SLCO4A1: variants seen among roughly 807,000 people sequenced by gnomAD.
SLCO4A1 encodes colon organic anion transporter.
A neutral mutation model predicts 64.6 loss-of-function variants in SLCO4A1; 51 were observed. That is an observed-to-expected ratio of 0.79 (90% CI 0.63 to 1.00). The LOEUF (loss-of-function observed/expected upper bound fraction) is 1.00, where lower values mean the gene tolerates loss of function less well. SLCO4A1 is among the 50% of genes least tolerant of loss of function. The probability of loss-of-function intolerance (pLI) is 0.00; values close to 1 mark genes in which losing one functional copy is unlikely to be tolerated. For missense variants in SLCO4A1, 919 were observed against 980.5 expected (o/e 0.94, Z 0.84); for synonymous variants, 471 against 444.9 (o/e 1.06, Z -0.74).
Position 62,681,469 on chromosome 20 carries a change from C to T in SLCO4A1, n.212-3972C>T, listed in dbSNP as rs902335840. ...GTGTATTAAGCCGTGTGTACACACT[C>T]GTGTGTGTGTTAAGCTGTGTGTACA... On this transcript the variant is annotated intron_variant and non_coding_transcript_variant, in intron 2 of 2. Coordinates refer to the SLCO4A1 transcript ENST00000466818. 5.1e-4 allele frequency among the ~76,000 whole-genome samples: 74 copies of T among 146,098 alleles called. 1 individual carries two copies. The highest frequency in any genetic ancestry group is 4.5e-3 in the Admixed American group (66 of 14,792).
In SLCO4A1 at chr20:62,645,500, C is replaced by T. The variant is rs1981151019; in HGVS notation, c.-97+2947C>T. 6.8e-6 allele frequency among the ~76,000 whole-genome samples: 1 copy of T among 146,876 alleles called. No individual in the cohort carries two copies. The highest frequency in any genetic ancestry group is 1.5e-5 in the Non-Finnish European group (1 of 66,138). On this transcript the variant is annotated intron_variant, in intron 1 of 11. Coordinates refer to ENST00000217159, the MANE Select transcript of SLCO4A1 (RefSeq NM_016354.4). This position sits in a 1 kb window ranked among gnomAD's most constrained non-coding sequence, Gnocchi z 4.2. ...GGTGAGGACCCACCCACACCCGCAC[C>T]CTCACCCTCATCCTCACCCGCAGCC...
Position 62,672,194 on chromosome 20 carries a change from G to C in SLCO4A1, c.*301G>C. Reference sequence around the variant, plus strand: ...TGAGGACAAACTCCGCAGGGGCTGTGAATCCCACTGGGAGGGCGGTGGGCC... The same window carrying C: ...TGAGGACAAACTCCGCAGGGGCTGTCAATCCCACTGGGAGGGCGGTGGGCC... On this transcript the variant is annotated 3_prime_UTR_variant, in exon 12 of 12. Transcript: ENST00000217159. The C allele has an allele frequency of 7.7e-7, 1 of 1,304,684 alleles. No homozygotes were observed. The highest frequency in any genetic ancestry group is 1.6e-5 in the South Asian group (1 of 60,850). 80.8% of individuals were successfully genotyped at this position (1,304,684 alleles called of 1,614,324 possible).
chr20:62,654,779 C>G (rs556786525), intron 1 of SLCO4A1, among the ~76,000 whole-genome samples: 276 of 152,326 alleles, frequency 1.8e-3, no homozygotes, highest in South Asian at 2.5e-3. Flanking sequence ...CCCACCCCAC[C>G]TTAGCTCCAC....
At position 62,657,224 on chromosome 20, in the gene SLCO4A1, A is replaced by C; in HGVS notation, c.770A>C (p.Lys257Thr). The change falls in exon 2 of 12, where the codon AAG (lysine) becomes ACG (threonine). Residue 257 changes from lysine (K) to threonine (T), a missense_variant. Physicochemically the swap from Lys to Thr is moderately conservative, Grantham distance 78. Coordinates refer to ENST00000217159, the MANE Select transcript of SLCO4A1 (RefSeq NM_016354.4). ...LGVTYLDENV[K>T]SSCSPVYIAI... ...GTCACCTACCTGGATGAGAACGTCA[A>C]GTCCAGCTGCTCGCCCGTCTACATT... 6.5e-7 allele frequency: 1 copy of C among 1,537,352 alleles called. No homozygotes were observed. The highest frequency in any genetic ancestry group is 8.8e-7 in the Non-Finnish European group (1 of 1,136,964).
At position 62,656,416 on chromosome 20, in the gene SLCO4A1, G is replaced by A. The variant is rs1411458017; in HGVS notation, c.-39G>A. 4.1e-6 allele frequency: 6 copies of A among 1,446,400 alleles called. No individual in the cohort carries two copies. The highest frequency in any genetic ancestry group is 5.0e-5 in the East Asian group (2 of 40,048). The allele number at this position is 1,446,400 out of a possible 1,614,324, so 89.6% of individuals were successfully genotyped here. On this transcript the variant is annotated 5_prime_UTR_variant, in exon 2 of 12. It adds an upstream start codon to the 5' untranslated region. Coordinates refer to ENST00000217159, the MANE Select transcript of SLCO4A1 (RefSeq NM_016354.4). ...CTCCCGCTGAGGCCACTCCCACTGC[G>A]TGGCTGAAGCCTCGAGGTCACCAGG...
At chr20:62,658,893 G>C in intron 3 of SLCO4A1, 126 bp downstream of exon 3, 1 of 780,418 alleles carries the variant, frequency 1.3e-6, no homozygotes, top group East Asian at 2.7e-5. Flanking sequence ...CACCCCCCGG[G>C]CTGGAGGGAG....
downstream of SLCO4A1, among the ~76,000 whole-genome samples, chr20:62,686,171 G>C (rs1988054199): frequency 6.6e-6 from 1 of 152,210 alleles, no homozygotes; most frequent in Non-Finnish European, 1.5e-5. Flanking sequence ...ATAATGAGCT[G>C]AGTGTCTCCG....
In SLCO4A1 at chr20:62,685,477, T is replaced by A. The variant is rs1988028788; in HGVS notation, n.248T>A. The A allele has an allele frequency of 6.1e-6, 6 of 982,464 alleles. No individual in the cohort carries two copies. The highest frequency in any genetic ancestry group is 7.3e-6 in the Non-Finnish European group (6 of 827,306). The allele number at this position is 982,464 out of a possible 1,614,324, so 60.9% of individuals were successfully genotyped here. A position where few individuals can be genotyped will look rare whatever the true frequency, so the allele number is the denominator to read the frequency against. The stretch of plus-strand genomic sequence containing the variant: ...TGAATTTAGAAGGCTGTAAACCCCA[T>A]CTGAGCCTTACACATAGATCTCCTT... On this transcript the variant is annotated non_coding_transcript_exon_variant, in exon 3 of 3. Coordinates refer to the SLCO4A1 transcript ENST00000466818. This position sits in a 1 kb window ranked among gnomAD's most constrained non-coding sequence, Gnocchi z 4.6.
In SLCO4A1 at chr20:62,656,841, C is replaced by T; in HGVS notation, c.387C>T (p.Thr129=). The change falls in exon 2 of 12, where the codon ACC becomes ACT. Residue 129 remains threonine (T), a synonymous_variant. Coordinates refer to ENST00000217159, the MANE Select transcript of SLCO4A1 (RefSeq NM_016354.4). Reference sequence around the variant, plus strand: ...ATGGCTTCATCAACACAGTCATCACCTCCCTGGAGCGCCGCTATGACCTGC... The same window carrying T: ...ATGGCTTCATCAACACAGTCATCACTTCCCTGGAGCGCCGCTATGACCTGC... The part of the protein sequence containing the change: ...TVNGFINTVI[T]SLERRYDLHS... 2 of 1,610,078 alleles carry T rather than the reference C, an allele frequency of 1.2e-6. No individual in the cohort carries two copies. The highest frequency in any genetic ancestry group is 1.7e-4 in the Middle Eastern group (1 of 6,054).
Position 62,671,968 on chromosome 20 carries a change from C to A in SLCO4A1, c.*75C>A. ...GACAGAACAGTGCCGTTGGGTGATG[C>A]AATCACACGGGAACTTCTATTTGAC... On this transcript the variant is annotated 3_prime_UTR_variant, in exon 12 of 12. Coordinates refer to ENST00000217159, the MANE Select transcript of SLCO4A1 (RefSeq NM_016354.4). 1 of 1,599,588 alleles carries A rather than the reference C, an allele frequency of 6.3e-7. No homozygotes were observed. Among genetic ancestry groups the A allele is most frequent in the Middle Eastern group, 1.6e-4 (1 of 6,062 alleles).
At chr20:62,679,397 A>T (rs1351383936) in intron 2 of SLCO4A1, among the ~76,000 whole-genome samples, 1 of 150,674 alleles carries the variant, frequency 6.6e-6, no homozygotes, top group African/African-American at 2.5e-5. Context: ...ATTCTCCCTC[A>T]GCCACCCAGC....
Position 62,669,099 on chromosome 20 carries a change from G to A in SLCO4A1, c.2025+21G>A, listed in dbSNP as rs1986886421. On this transcript the variant is annotated intron_variant, in intron 11 of 11. Transcript: ENST00000217159. ...ACAAGGTAAGCAGGCCCAGGGAGGGGACAGAGGGTCTGCTCTGAGGGTGGC... is the reference window on the plus strand; with the variant it reads ...ACAAGGTAAGCAGGCCCAGGGAGGGAACAGAGGGTCTGCTCTGAGGGTGGC... 4 of 1,604,560 alleles carry A rather than the reference G, an allele frequency of 2.5e-6. No individual in the cohort carries two copies. The Admixed American group carries it at 5.0e-5, about 20-fold the overall frequency.
In SLCO4A1 at chr20:62,660,503, C is replaced by A. The variant is rs769733260; in HGVS notation, c.979C>A (p.Pro327Thr). ...SGAAAFFTAVPILGYPRQLPG... is the reference protein window; with the variant it reads ...SGAAAFFTAVTILGYPRQLPG... ...GGCCGCTGCTTTCTTCACCGCCGTT[C>A]CCATCCTTGGTTACCCTCGGCAGCT... is the stretch of plus-strand genomic sequence containing the variant. The change falls in exon 4 of 12, where the codon CCC becomes ACC. Residue 327 changes from proline (P) to threonine (T), a missense_variant. Physicochemically the swap from Pro to Thr is conservative, Grantham distance 38. Coordinates refer to ENST00000217159, the MANE Select transcript of SLCO4A1 (RefSeq NM_016354.4). 1.2e-6 allele frequency: 2 copies of A among 1,605,664 alleles called. No individual in the cohort carries two copies. The highest frequency in any genetic ancestry group is 2.7e-5 in the African/African-American group (2 of 74,918).
chr20:62,660,631 C>T, intron 4 of SLCO4A1, 98 bp downstream of exon 4: 1 of 1,403,710 alleles, frequency 7.1e-7, no homozygotes, highest in Non-Finnish European at 9.9e-7. Flanking sequence ...TTTTTCCCCG[C>T]CATGATCAAG....
intron 2 of SLCO4A1, among the ~76,000 whole-genome samples, chr20:62,657,602 C>T (rs80256054): frequency 0.012 from 1,756 of 152,338 alleles, 36 homozygotes; most frequent in African/African-American, 0.04. Context: ...CCTCATGCTC[C>T]GGCTGGGAAC....
chr20:62,670,314 A>T (rs1457101150), intron 11 of SLCO4A1: 1 of 152,248 alleles, frequency 6.6e-6, no homozygotes, highest in Non-Finnish European at 1.5e-5. Flanking sequence ...ACTTCATAAG[A>T]CATAACCTTT....
rs777179045 is a variant in SLCO4A1, at chr20:62,666,513, C to T, written c.1410C>T (p.Leu470=). The change falls in exon 7 of 12, where the codon CTC becomes CTT. Residue 470 remains leucine, a synonymous_variant. Coordinates refer to ENST00000217159, the MANE Select transcript of SLCO4A1 (RefSeq NM_016354.4). ...FCTVVSLLGI[L]VFSLHCPSVP... Reference sequence around the variant, plus strand: ...CCGTTGTCAGCCTGCTGGGCATCCTCGTCTTCTCACTGCACTGCCCCAGTG... The same window carrying T: ...CCGTTGTCAGCCTGCTGGGCATCCTTGTCTTCTCACTGCACTGCCCCAGTG... The T allele has an allele frequency of 4.3e-6, 7 of 1,613,358 alleles. No homozygotes were observed. Among genetic ancestry groups the T allele is most frequent in the African/African-American group, 2.7e-5 (2 of 74,942 alleles).
Position 62,685,402 on chromosome 20 carries a change from G to A in SLCO4A1, n.212-39G>A, listed in dbSNP as rs369167191. The A allele has an allele frequency of 1.3e-4, 132 of 980,736 alleles. 1 individual carries two copies. The East Asian group carries it at 7.4e-3, about 55-fold the overall frequency. 60.8% of individuals were successfully genotyped at this position (980,736 alleles called of 1,614,324 possible). ...CCACTCTGCTGTGGCCTGACCAAGCGGGCTGTTTTCTTGCTTTGTTTGTTG... is the reference window on the plus strand; with the variant it reads ...CCACTCTGCTGTGGCCTGACCAAGCAGGCTGTTTTCTTGCTTTGTTTGTTG... On this transcript the variant is annotated intron_variant and non_coding_transcript_variant, in intron 2 of 2. Coordinates refer to the SLCO4A1 transcript ENST00000466818. The surrounding 1 kb of genome is among the most constrained non-coding windows in gnomAD (Gnocchi z 4.6).
rs1172734636 is a variant in SLCO4A1, at chr20:62,666,398, C to T, written c.1295C>T (p.Ala432Val). 5 of 1,612,646 alleles carry T rather than the reference C, an allele frequency of 3.1e-6. No individual in the cohort carries two copies. The highest frequency in any genetic ancestry group is 3.3e-5 in the Admixed American group (2 of 59,988). ...ATLFGYLVVP[A>V]GGGGTFLGGF... The stretch of plus-strand genomic sequence containing the variant: ...TCCCCAGGGTACCTGGTGGTGCCAG[C>T]GGGTGGTGGCGGCACCTTCCTGGGC... The change falls in exon 7 of 12, where the codon GCG (alanine) becomes GTG (valine). Residue 432 changes from alanine to valine, a missense_variant. By Grantham distance (64) the Ala-to-Val change is moderately conservative. Transcript: ENST00000217159.
Sources: allele counts gnomAD v4.1 joint callset (sites outside exome capture counted in the v4.1 genomes callset), GRCh38; gene constraint gnomAD v4.1.1; non-coding constraint Gnocchi (gnomAD v3.1); transcripts MANE v1.5; gene names NCBI Gene and HGNC (gene_info 2026-07-23, HGNC 2026-07-21).